The following FLOT1 variants were observed in gnomAD, a reference collection of about 807,000 sequenced individuals.
The protein encoded by FLOT1 is flotillin-1.
Under a neutral mutation model 58.4 loss-of-function variants are expected in FLOT1, and 40 were observed. The observed-to-expected ratio is 0.69, with a 90% confidence interval of 0.53 to 0.89. The LOEUF (loss-of-function observed/expected upper bound fraction) is 0.89. FLOT1 is among the 40% of genes least tolerant of loss of function. The probability of loss-of-function intolerance (pLI) is 0.00; values close to 1 mark genes in which losing one functional copy is unlikely to be tolerated. For synonymous variants in FLOT1, 178 were observed against 204.2 expected (o/e 0.87, Z 1.09); for missense variants, 423 against 540.8 (o/e 0.78, Z 2.16).
chr6:30,730,218 A>G, intron 11 of FLOT1, 32 bp from the exon 12 acceptor site: 2 of 1,610,138 alleles, frequency 1.2e-6, no homozygotes, highest in South Asian at 1.1e-5. Context: ...CTCAGTGCCC[A>G]TGATCTGACC....
rs2127775727 is a variant in FLOT1, at chr6:30,737,591, C to T, written c.723+2567G>A. Among the ~76,000 whole-genome samples, 1 of 152,254 alleles carries T rather than the reference C, an allele frequency of 6.6e-6. No individual in the cohort carries two copies. The highest frequency in any genetic ancestry group is 1.9e-4 in the East Asian group (1 of 5,182). On this transcript the variant is annotated intron_variant, in intron 8 of 12. Transcript: ENST00000376389. This position sits in a 1 kb window ranked among gnomAD's most constrained non-coding sequence, Gnocchi z 4.4. ...AGTATGACTACTTAAAAAGCACAGG[C>T]TAGAATATTCTTGGCTCAGAACTGT...
chr6:30,728,178 G>A (rs758257267), intron 12 of FLOT1, 33 bp from the exon 13 acceptor site: 1 of 1,608,032 alleles, frequency 6.2e-7, no homozygotes, highest in Admixed American at 1.7e-5. Context: ...TGACACTTGG[G>A]AACATTCGGG....
chr6:30,741,896 TG>T lies in FLOT1; in HGVS notation c.44-30del, dbSNP rs752225744. 1.2e-6 allele frequency: 2 copies of T among 1,601,282 alleles called. No homozygotes were observed. Among genetic ancestry groups the T allele is most frequent in the South Asian group, 2.2e-5 (2 of 90,698 alleles). Reference sequence around the variant, plus strand: ...CAAGGTGTGGGGCAGTGAGGAACGGTGGCAGAGCTTGAATGTGGAAGACTGA... The same window carrying T: ...CAAGGTGTGGGGCAGTGAGGAACGGTGCAGAGCTTGAATGTGGAAGACTGA... On this transcript the variant is annotated intron_variant, in intron 2 of 12. Coordinates refer to ENST00000376389, the MANE Select transcript of FLOT1 (RefSeq NM_005803.4). The surrounding 1 kb of genome is among the most constrained non-coding windows in gnomAD (Gnocchi z 5.9).
chr6:30,739,365 CTCT>C (rs1482171203), intron 8 of FLOT1, among the ~76,000 whole-genome samples: 1 of 150,704 alleles, frequency 6.6e-6, no homozygotes, highest in Non-Finnish European at 1.5e-5. Context: ...TCTTGGCCTT[CTCT>C]TTTTTTTTTT....
chr6:30,741,771 C>A lies in FLOT1; in HGVS notation c.119+21G>T. 1 of 1,612,348 alleles carries A rather than the reference C, an allele frequency of 6.2e-7. No homozygotes were observed. Among genetic ancestry groups the A allele is most frequent in the Non-Finnish European group, 8.5e-7 (1 of 1,179,390 alleles). Reference sequence around the variant, plus strand: ...AAAGAGAAAACGGAGGTCCCCCTTCCCTGGTTCCCTTCTTGCCTACCTCTG... The same window carrying A: ...AAAGAGAAAACGGAGGTCCCCCTTCACTGGTTCCCTTCTTGCCTACCTCTG... On this transcript the variant is annotated intron_variant, in intron 3 of 12. Coordinates refer to ENST00000376389, the MANE Select transcript of FLOT1 (RefSeq NM_005803.4). The surrounding 1 kb of genome is among the most constrained non-coding windows in gnomAD (Gnocchi z 5.9).
rs1341624523 is a variant in FLOT1, at chr6:30,728,295, C to A, written c.1255-150G>T. ...GTGCCCTACCACCTGTTTCCCCAAA[C>A]AAAGACATCAGGACCCACATACAAT... On this transcript the variant is annotated intron_variant, in intron 12 of 12. Coordinates refer to ENST00000376389, the MANE Select transcript of FLOT1 (RefSeq NM_005803.4). 4.2e-6 allele frequency: 3 copies of A among 706,112 alleles called. No individual in the cohort carries two copies. In the African/African-American group the frequency reaches 5.2e-5, roughly 12 times the overall value. The allele number at this position is 706,112 out of a possible 1,614,324, so 43.7% of individuals were successfully genotyped here.
At chr6:30,732,470 C>T (rs1315708521) in intron 8 of FLOT1, among the ~76,000 whole-genome samples, 1 of 151,690 alleles carries the variant, frequency 6.6e-6, no homozygotes, top group Non-Finnish European at 1.5e-5. Flanking sequence ...CTCCCGCCTC[C>T]CCCTCTAGAG....
In FLOT1 at chr6:30,730,684, G is replaced by C. The variant is rs961766768; in HGVS notation, c.949C>G (p.Arg317Gly). Residue 317 changes from arginine (R) to glycine (G), a missense_variant and splice_region_variant, in exon 10 of 13, where the codon CGG (arginine) becomes GGG (glycine). Coordinates refer to ENST00000376389, the MANE Select transcript of FLOT1 (RefSeq NM_005803.4). ...CATGGAACTGCCTCTTAACTCACCC[G>C]CACAGACGCGGCTTCTGCCTCCGCC... ...MQAEAEAASV[R>G]MRGEAEAFAI... 2 of 1,613,364 alleles carry C rather than the reference G, an allele frequency of 1.2e-6. No individual in the cohort carries two copies. The highest frequency in any genetic ancestry group is 1.7e-6 in the Non-Finnish European group (2 of 1,180,038).
chr6:30,740,553 T>C lies in FLOT1; in HGVS notation c.513A>G (p.Gln171=), dbSNP rs375444133. The C allele has an allele frequency of 5.8e-5, 94 of 1,613,054 alleles. No homozygotes were observed. Among genetic ancestry groups the C allele is most frequent in the Non-Finnish European group, 7.7e-5 (91 of 1,180,022 alleles). The change falls in exon 7 of 13, where the codon CAA becomes CAG. Residue 171 remains glutamine (Q), a synonymous_variant. Transcript: ENST00000376389. ...CTCCAATCCGTGCATCTTTTTGGAC[T>C]TGAGCTGTTCGAGCCTTCCCCAAAG... ...LHSLGKARTA[Q]VQKDARIGEA... is the part of the protein sequence containing the mutation.
Position 30,740,791 on chromosome 6 carries a change from T to A in FLOT1, c.362A>T (p.Tyr121Phe). Residue 121 changes from tyrosine to phenylalanine, a missense_variant, in exon 6 of 13, where the codon TAT becomes TTT. This residue lies in a region of FLOT1 where 137 missense variants were observed against 194.6 expected (regional missense o/e 0.70). Coordinates refer to ENST00000376389, the MANE Select transcript of FLOT1 (RefSeq NM_005803.4). ...TTCTGAGAATTTCTGCCTGTCCTTATAGATCTCCTGTGATAACAGGATGGT... is the reference window on the plus strand; with the variant it reads ...TTCTGAGAATTTCTGCCTGTCCTTAAAGATCTCCTGTGATAACAGGATGGT... ...IMAHMTVEEIYKDRQKFSEQV... is the reference protein window; with the variant it reads ...IMAHMTVEEIFKDRQKFSEQV... The A allele has an allele frequency of 6.2e-7, 1 of 1,612,246 alleles. No homozygotes were observed. Among genetic ancestry groups the A allele is most frequent in the Non-Finnish European group, 8.5e-7 (1 of 1,179,864 alleles).
In FLOT1 at chr6:30,740,139, G is replaced by A; in HGVS notation, c.723+19C>T. 1 of 1,611,720 alleles carries A rather than the reference G, an allele frequency of 6.2e-7. No individual in the cohort carries two copies. The highest frequency in any genetic ancestry group is 8.5e-7 in the Non-Finnish European group (1 of 1,179,148). ...AGGAATGGGGAAGGGGCAGAGAGTGGCCTGGCAGTGGCTCTGACCTGAAGC... is the reference window on the plus strand; with the variant it reads ...AGGAATGGGGAAGGGGCAGAGAGTGACCTGGCAGTGGCTCTGACCTGAAGC... On this transcript the variant is annotated intron_variant, in intron 8 of 12. Coordinates refer to ENST00000376389, the MANE Select transcript of FLOT1 (RefSeq NM_005803.4).
rs1465602417 is a variant in FLOT1, at chr6:30,742,520, C to A, written c.-15+7G>T. 3 of 371,702 alleles carry A rather than the reference C, an allele frequency of 8.1e-6. No homozygotes were observed. The South Asian group carries it at 1.1e-4, about 13-fold the overall frequency. The allele number at this position is 371,702 out of a possible 1,614,324, so 23.0% of individuals were successfully genotyped here. ...GCCCCAGGCTCCATCTCCCCTCCCC[C>A]ACTCACCTTCCGGGACGCGGGCGGC... is the stretch of plus-strand genomic sequence containing the variant. On this transcript the variant is annotated splice_region_variant and intron_variant, in intron 1 of 12. Coordinates refer to ENST00000376389, the MANE Select transcript of FLOT1 (RefSeq NM_005803.4). This position sits in a 1 kb window ranked among gnomAD's most constrained non-coding sequence, Gnocchi z 5.2.
intron 11 of FLOT1, 88 bp from the exon 12 acceptor site, chr6:30,730,274 C>A: frequency 6.5e-7 from 1 of 1,528,734 alleles, no homozygotes; most frequent in South Asian, 1.2e-5. Context: ...GGTCCTCGTT[C>A]CACTGATCAT....
intron 8 of FLOT1, among the ~76,000 whole-genome samples, chr6:30,735,183 T>C (rs1446698083): frequency 6.6e-6 from 1 of 151,976 alleles, no homozygotes; most frequent in Non-Finnish European, 1.5e-5. Flanking sequence ...GGGGTTGGGG[T>C]TGGGGTTGGC....
In FLOT1 at chr6:30,742,344, T is replaced by A. The variant is rs1382548976; in HGVS notation, c.-14-141A>T. On this transcript the variant is annotated intron_variant, in intron 1 of 12. Transcript: ENST00000376389. The surrounding 1 kb of genome is among the most constrained non-coding windows in gnomAD (Gnocchi z 5.2). ...GTCCCTTCTACACCCATGGGTCCGCTAAGGCTTTTCCCTACAAAATCCTTA... is the reference window on the plus strand; with the variant it reads ...GTCCCTTCTACACCCATGGGTCCGCAAAGGCTTTTCCCTACAAAATCCTTA... 1.4e-6 allele frequency: 1 copy of A among 695,152 alleles called. No homozygotes were observed. Among genetic ancestry groups the A allele is most frequent in the East Asian group, 2.6e-5 (1 of 38,098 alleles). The allele number at this position is 695,152 out of a possible 1,614,324, so 43.1% of individuals were successfully genotyped here.
In FLOT1 at chr6:30,740,609, A is replaced by C. The variant is rs776023752; in HGVS notation, c.475-18T>G. ...AAATAGTCCTGTGGGAGAGATGTAG[A>C]AATTAGTCCTTTGGAGGGCTTAAGA... On this transcript the variant is annotated intron_variant, in intron 6 of 12. Coordinates refer to ENST00000376389, the MANE Select transcript of FLOT1 (RefSeq NM_005803.4). 5 of 1,613,012 alleles carry C rather than the reference A, an allele frequency of 3.1e-6. No individual in the cohort carries two copies. The highest frequency in any genetic ancestry group is 4.2e-6 in the Non-Finnish European group (5 of 1,180,024).
At chr6:30,732,207 GATCC>G (rs1354562825) in intron 8 of FLOT1, among the ~76,000 whole-genome samples, 2 of 152,060 alleles carry the variant, frequency 1.3e-5, no homozygotes, top group Non-Finnish European at 2.9e-5. Flanking sequence ...GATCTCAAGT[GATCC>G]ATCCGCCTCA....
intron 8 of FLOT1, among the ~76,000 whole-genome samples, chr6:30,733,912 C>T (rs1777378543): frequency 1.3e-5 from 2 of 151,306 alleles, no homozygotes; most frequent in Admixed American, 6.6e-5. Context: ...ATTAGCTGGG[C>T]GTGGTGGTGT....
chr6:30,740,048 C>T, intron 8 of FLOT1, 110 bp downstream of exon 8: 1 of 1,051,930 alleles, frequency 9.5e-7, no homozygotes, highest in Non-Finnish European at 1.4e-6. Context: ...AGATGGAGAG[C>T]CAGAATAAGA....
Sources: gnomAD v4.1 joint callset for allele counts (sites outside exome capture counted in the v4.1 genomes callset) on GRCh38, gnomAD v4.1.1 for gene constraint, gnomAD v4.1.1 regional missense constraint, Gnocchi (gnomAD v3.1) non-coding constraint, MANE v1.5 for transcripts, NCBI Gene and HGNC (gene_info 2026-07-23, HGNC 2026-07-21) for gene names.